Variants in CCDC78 observed in about 807,000 individuals in gnomAD.
The protein encoded by CCDC78 is coiled-coil domain-containing protein 78.
Under a neutral mutation model 61.9 loss-of-function variants are expected in CCDC78, and 78 were observed. That is an observed-to-expected ratio of 1.26 (90% CI 1.05 to 1.52). The LOEUF (loss-of-function observed/expected upper bound fraction) is 1.52, where lower values mean the gene tolerates loss of function less well. CCDC78 is among the 40% of genes most tolerant of loss of function. CCDC78 has a pLI of 0.00. For missense variants in CCDC78, 737 were observed against 615.5 expected (o/e 1.20, Z -2.09); for synonymous variants, 287 against 251.9 (o/e 1.14, Z -1.32).
chr16:723,117 C>G lies in CCDC78; in HGVS notation c.1178G>C (p.Arg393Pro), dbSNP rs376513788. The change falls in exon 12 of 14, where the codon CGG becomes CCG. Residue 393 changes from arginine to proline, a missense_variant. Transcript: ENST00000345165. ...ASWAQIHQKL[R>P]DFSRSTQAEL... The stretch of plus-strand genomic sequence containing the variant: ...TACCTGGGTGCTGCGGGAGAAGTCC[C>G]GGAGCTTCTGGTGGATCTGGGCCCA... 3.1e-6 allele frequency: 5 copies of G among 1,612,708 alleles called. No individual in the cohort carries two copies. The highest frequency in any genetic ancestry group is 1.6e-4 in the Middle Eastern group (1 of 6,062).
At chr16:723,554 C>T in intron 11 of CCDC78, 1 of 677,608 alleles carries the variant, frequency 1.5e-6, no homozygotes. Flanking sequence ...TCACCAGGCG[C>T]CCTGCTCCCA....
chr16:725,506 T>C lies in CCDC78; in HGVS notation c.342A>G (p.Pro114=). 2 of 1,612,644 alleles carry C rather than the reference T, an allele frequency of 1.2e-6. No homozygotes were observed. The highest frequency in any genetic ancestry group is 1.7e-6 in the Non-Finnish European group (2 of 1,179,990). Residue 114 remains proline (P), a synonymous_variant, in exon 4 of 14, where the codon CCA becomes CCG. Coordinates refer to ENST00000345165, the MANE Select transcript of CCDC78 (RefSeq NM_001378030.1). ...GDGTSQGCAV[P]VESDPRHPRA... is the part of the protein sequence containing the mutation. Reference sequence around the variant, plus strand: ...GGGGATGCCTGGGGTCAGACTCCACTGGGACTGCACAGCCCTGGCTGGTGC... The same window carrying C: ...GGGGATGCCTGGGGTCAGACTCCACCGGGACTGCACAGCCCTGGCTGGTGC...
chr16:725,916 C>G (rs1181280667), intron 2 of CCDC78, 36 bp from the exon 3 acceptor site: 1 of 1,590,462 alleles, frequency 6.3e-7, no homozygotes, highest in East Asian at 2.3e-5. Context: ...CGTCTGTGGG[C>G]CCTGCTGGCA....
chr16:726,145 C>T, intron 1 of CCDC78, 60 bp from the exon 2 acceptor site: 2 of 1,550,258 alleles, frequency 1.3e-6, no homozygotes, highest in Non-Finnish European at 1.7e-6. Context: ...TGGCCCCACT[C>T]CCATGCAGTC....
Position 723,118 on chromosome 16 carries a change from G to A in CCDC78, c.1177C>T (p.Arg393Trp), listed in dbSNP as rs767496331. 48 of 1,612,590 alleles carry A rather than the reference G, an allele frequency of 3.0e-5. No homozygotes were observed. The highest frequency in any genetic ancestry group is 1.4e-4 in the South Asian group (13 of 91,092). Residue 393 changes from arginine to tryptophan, a missense_variant, in exon 12 of 14, where the codon CGG becomes TGG. Transcript: ENST00000345165. The stretch of plus-strand genomic sequence containing the variant: ...ACCTGGGTGCTGCGGGAGAAGTCCC[G>A]GAGCTTCTGGTGGATCTGGGCCCAG... ...ASWAQIHQKLRDFSRSTQAEL... is the reference protein window; with the variant it reads ...ASWAQIHQKLWDFSRSTQAEL...
In CCDC78 at chr16:724,341, C is replaced by T. The variant is rs767319981; in HGVS notation, c.934G>A (p.Glu312Lys). 23 of 1,612,086 alleles carry T rather than the reference C, an allele frequency of 1.4e-5. No homozygotes were observed. The South Asian group carries it at 2.2e-4, about 15-fold the overall frequency. ...GCCCACCTGTAGGCAACCAGTAGCT[C>T]TTCATGCCTGCGGCTCAGATCCACC... The part of the protein sequence containing the change: ...RLVDLSRRHE[E>K]LLVAYRAPGN... The change falls in exon 9 of 14, where the codon GAG becomes AAG. Residue 312 changes from glutamate to lysine, a missense_variant. Transcript: ENST00000345165.
At position 725,084 on chromosome 16, in the gene CCDC78, G is replaced by A. The variant is rs142129985; in HGVS notation, c.554C>T (p.Thr185Met). The change falls in exon 6 of 14, where the codon ACG becomes ATG. Residue 185 changes from threonine (T) to methionine (M), a missense_variant. Transcript: ENST00000345165. ...HQEARQQALVTRVATLGRQLQ... is the reference protein window; with the variant it reads ...HQEARQQALVMRVATLGRQLQ... ...AGGTGAGATGGCCACTCACACACGC[G>A]TCACCAGTGCCTGCTGCCGGGCCTC... The A allele has an allele frequency of 5.0e-5, 80 of 1,612,690 alleles. No homozygotes were observed. Among genetic ancestry groups the A allele is most frequent in the Middle Eastern group, 3.3e-4 (2 of 6,060 alleles).
At chr16:723,489 C>T (rs2040457819) in intron 11 of CCDC78, 1 of 677,596 alleles carries the variant, frequency 1.5e-6, no homozygotes, top group Non-Finnish European at 2.7e-6. Context: ...CCTTGGGGAG[C>T]CCTGCCCATT....
chr16:726,468 G>C (rs2040957942), upstream of CCDC78: 4 of 1,415,996 alleles, frequency 2.8e-6, no homozygotes, highest in African/African-American at 4.4e-5. Flanking sequence ...CGTTGCCAAG[G>C]CCTCTGTTGG....
intron 11 of CCDC78, chr16:723,519 G>A (rs1415598942): frequency 1.5e-6 from 1 of 672,658 alleles, no homozygotes; most frequent in African/African-American, 1.8e-5. Context: ...GGAACATGGA[G>A]GCCCAGAGGC....
At chr16:723,060 G>C in intron 12 of CCDC78, 35 bp downstream of exon 12, 2 of 1,612,566 alleles carry the variant, frequency 1.2e-6, no homozygotes, top group Non-Finnish European at 1.7e-6. Context: ...GGGGCATGGC[G>C]TGAGGATGGG....
rs1463176527 is a variant in CCDC78, at chr16:725,834, T to C, written c.227A>G (p.His76Arg). 4 of 1,611,388 alleles carry C rather than the reference T, an allele frequency of 2.5e-6. No homozygotes were observed. Among genetic ancestry groups the C allele is most frequent in the Admixed American group, 1.7e-5 (1 of 59,766 alleles). The change falls in exon 3 of 14, where the codon CAT becomes CGT. Residue 76 changes from histidine (H) to arginine (R), a missense_variant. Coordinates refer to ENST00000345165, the MANE Select transcript of CCDC78 (RefSeq NM_001378030.1). The part of the protein sequence containing the change: ...VDIQITTHHL[H>R]EQHEAEIFQL... ...GAAGATTTCAGCCTCATGCTGCTCA[T>C]GTAGGTGGTGGGTTGTGATCTGAAT...
At chr16:723,617 T>C (rs750600231) in intron 11 of CCDC78, 1 of 692,768 alleles carries the variant, frequency 1.4e-6, no homozygotes, top group Non-Finnish European at 2.6e-6. Flanking sequence ...GTGCTCTCCC[T>C]GATCCTCCGT....
Position 724,317 on chromosome 16 carries a change from C to T in CCDC78, c.953+5G>A. ...CCTGACACCTCCCATCCCAGCGGGGCCCACCTGTAGGCAACCAGTAGCTCT... is the reference window on the plus strand; with the variant it reads ...CCTGACACCTCCCATCCCAGCGGGGTCCACCTGTAGGCAACCAGTAGCTCT... On this transcript the variant is annotated splice_donor_5th_base_variant and intron_variant, in intron 9 of 13. Coordinates refer to ENST00000345165, the MANE Select transcript of CCDC78 (RefSeq NM_001378030.1). 6.2e-7 allele frequency: 1 copy of T among 1,609,354 alleles called. No homozygotes were observed. The highest frequency in any genetic ancestry group is 1.1e-5 in the South Asian group (1 of 90,862).
chr16:723,714 T>C, intron 11 of CCDC78, 143 bp downstream of exon 11: 1 of 756,122 alleles, frequency 1.3e-6, no homozygotes, highest in Non-Finnish European at 2.3e-6. Flanking sequence ...GACCCCAGGG[T>C]GGGGATGTGC....
chr16:723,377 T>C, intron 11 of CCDC78: 1 of 707,504 alleles, frequency 1.4e-6, no homozygotes, highest in Non-Finnish European at 2.6e-6. Context: ...GTCTGCTGGC[T>C]GCTGGGGGAG....
chr16:723,816 C>G, intron 11 of CCDC78, 41 bp downstream of exon 11: 2 of 1,535,988 alleles, frequency 1.3e-6, no homozygotes, highest in Non-Finnish European at 1.8e-6. Flanking sequence ...GCTCTCTGCT[C>G]ATCCCCCACA....
Position 724,936 on chromosome 16 carries a change from C to T in CCDC78, c.614G>A (p.Gly205Glu), listed in dbSNP as rs776248962. 1 of 1,608,534 alleles carries T rather than the reference C, an allele frequency of 6.2e-7. No homozygotes were observed. Among genetic ancestry groups the T allele is most frequent in the Admixed American group, 1.7e-5 (1 of 59,386 alleles). The change falls in exon 7 of 14, where the codon GGG becomes GAG. Residue 205 changes from glycine (G) to glutamate (E), a missense_variant. Coordinates refer to ENST00000345165, the MANE Select transcript of CCDC78 (RefSeq NM_001378030.1). ...CACAGCCTGTGTGGCCAGTCGCTGCCCGGCTGCCCTGGCCTCCTCTCGGGC... is the reference window on the plus strand; with the variant it reads ...CACAGCCTGTGTGGCCAGTCGCTGCTCGGCTGCCCTGGCCTCCTCTCGGGC... ...QGAREEARAAGQRLATQAVVL... is the reference protein window; with the variant it reads ...QGAREEARAAEQRLATQAVVL...
Position 722,793 on chromosome 16 carries a change from C to A in CCDC78, c.1302-4G>T, listed in dbSNP as rs1305923212. The stretch of plus-strand genomic sequence containing the variant: ...CCTCAGGATTTCGTGCTTGTACCTG[C>A]TCAGAGGAACCATGCTTAAGTGACT... On this transcript the variant is annotated splice_polypyrimidine_tract_variant and splice_region_variant and intron_variant, in intron 13 of 13. Transcript: ENST00000345165. The A allele has an allele frequency of 6.2e-7, 1 of 1,612,536 alleles. No individual in the cohort carries two copies. The highest frequency in any genetic ancestry group is 8.5e-7 in the Non-Finnish European group (1 of 1,179,936).
Sources: allele counts gnomAD v4.1 joint callset, GRCh38; gene constraint gnomAD v4.1.1; transcripts MANE v1.5; gene names NCBI Gene and HGNC (gene_info 2026-07-23, HGNC 2026-07-21).